The following VAT1L variants were observed in gnomAD, a reference collection of about 807,000 sequenced individuals.
The protein encoded by VAT1L is putative NADPH-dependent quinone oxidoreductase VAT1L.
VAT1L carries 34 observed loss-of-function variants against 44.1 expected under a neutral mutation model. The ratio of observed to expected loss-of-function variants is 0.77; its 90% confidence interval spans 0.59 to 1.03. VAT1L has a LOEUF of 1.03. VAT1L is among the 50% of genes least tolerant of loss of function. VAT1L has a pLI of 0.00. For synonymous variants in VAT1L, 253 were observed against 202.2 expected (o/e 1.25, Z -2.13); for missense variants, 615 against 538.8 (o/e 1.14, Z -1.40).
chr16:77,943,813 C>A (rs1348047000), intron 7 of VAT1L, among the ~76,000 whole-genome samples: 1 of 152,216 alleles, frequency 6.6e-6, no homozygotes, highest in Non-Finnish European at 1.5e-5. Flanking sequence ...AGGGCTCTCA[C>A]ATAGCATGTG....
At chr16:77,799,678 C>T (rs1007992272) in intron 1 of VAT1L, among the ~76,000 whole-genome samples, 1 of 152,032 alleles carries the variant, frequency 6.6e-6, no homozygotes, top group Non-Finnish European at 1.5e-5. Flanking sequence ...TGAGTGGATG[C>T]GAGACTCTTC....
intron 4 of VAT1L, 43 bp downstream of exon 4, chr16:77,862,933 T>C (rs1597072486): frequency 4.4e-6 from 7 of 1,603,466 alleles, no homozygotes; most frequent in Middle Eastern, 1.7e-4. Context: ...TGGCCCTTGC[T>C]CTGCTCTCAA....
chr16:77,911,685 A>C (rs545664471), intron 7 of VAT1L, among the ~76,000 whole-genome samples: 50 of 152,266 alleles, frequency 3.3e-4, no homozygotes, highest in Non-Finnish European at 6.5e-4. Flanking sequence ...GAGGTGGGGA[A>C]GGAGCTTGCA....
At chr16:77,838,842 C>T (rs944554532) in intron 3 of VAT1L, among the ~76,000 whole-genome samples, 2 of 151,698 alleles carry the variant, frequency 1.3e-5, no homozygotes, top group African/African-American at 4.9e-5. Context: ...TCTCCTTCCT[C>T]CCTTCCTCCT....
rs1195422816 is a variant in VAT1L at position 77,788,646 on chromosome 16, G to A, written c.-37G>A. ...CTCCCCCAGCGCCGCAGCCACCGCA[G>A]CCACCGCAGCCCGTGCGCCCCGCGC... On this transcript the variant is annotated 5_prime_UTR_variant, in exon 1 of 9. Transcript: ENST00000302536. The A allele has an allele frequency of 3.4e-5, 53 of 1,543,822 alleles. No homozygotes were observed. Among genetic ancestry groups the A allele is most frequent in the Non-Finnish European group, 3.9e-5 (45 of 1,144,456 alleles).
intron 7 of VAT1L, among the ~76,000 whole-genome samples, chr16:77,887,882 A>AAATACAGTCT (rs2017225266): frequency 6.6e-6 from 1 of 152,088 alleles, no homozygotes; most frequent in Non-Finnish European, 1.5e-5. Flanking sequence ...GCTATACCTG[A>AAATACAGTCT]AATACAGTCT....
At chr16:77,858,901 C>T (rs183811786) in intron 3 of VAT1L, among the ~76,000 whole-genome samples, 329 of 151,898 alleles carry the variant, frequency 2.2e-3, no homozygotes, top group Non-Finnish European at 3.9e-3. Flanking sequence ...TTTGGGAGGC[C>T]GAGGCGGGCG....
rs536316409 is a variant in VAT1L at position 77,816,851 on chromosome 16, G to C, written c.234-70G>C. ...AAGGAGGAAAAGAAAAGAAAGAAAA[G>C]AAAACCAGGTCGGTGCTTTCTTTTG... On this transcript the variant is annotated intron_variant, in intron 1 of 8. Coordinates refer to ENST00000302536, the MANE Select transcript of VAT1L (RefSeq NM_020927.3). The C allele has an allele frequency of 6.7e-5, 99 of 1,483,380 alleles. 1 individual carries two copies. In the South Asian group the frequency reaches 1.3e-3, roughly 19 times the overall value. 91.9% of individuals were successfully genotyped at this position (1,483,380 alleles called of 1,614,324 possible).
chr16:77,888,118 C>T (rs1308193456), intron 7 of VAT1L, among the ~76,000 whole-genome samples: 8 of 152,180 alleles, frequency 5.3e-5, no homozygotes, highest in Non-Finnish European at 1.0e-4. Flanking sequence ...TCAGTATGAC[C>T]TGTACAGAGA....
intron 7 of VAT1L, among the ~76,000 whole-genome samples, chr16:77,930,905 TC>T (rs1345192640): frequency 6.6e-6 from 1 of 152,186 alleles, no homozygotes; most frequent in Non-Finnish European, 1.5e-5. Flanking sequence ...GACACAACAT[TC>T]AACATAATTC....
chr16:77,917,936 T>C (rs2142491262), intron 7 of VAT1L, among the ~76,000 whole-genome samples: 1 of 152,310 alleles, frequency 6.6e-6, no homozygotes, highest in Non-Finnish European at 1.5e-5. Flanking sequence ...TATGCAAGAC[T>C]CTCAAGGTCT....
chr16:77,970,272 T>C (rs920467138), intron 7 of VAT1L, among the ~76,000 whole-genome samples: 2 of 152,130 alleles, frequency 1.3e-5, no homozygotes, highest in African/African-American at 4.8e-5. Context: ...TGCCAGGTTG[T>C]CCAAAGACTG....
rs34096024 is a variant in VAT1L at position 77,862,623 on chromosome 16, TAAAAAAAAAAAAAA to T, written c.580-114_580-101del. The T allele has an allele frequency of 4.5e-5, 18 of 396,594 alleles. No homozygotes were observed. In the African/African-American group the frequency reaches 4.7e-4, roughly 10 times the overall value. 24.6% of individuals were successfully genotyped at this position (396,594 alleles called of 1,614,324 possible). ...GAGTGACAGAGTGAGACTCCATCTCTAAAAAAAAAAAAAAAAAAAAAAAAGTCAATAGTGCCGAT... is the reference window on the plus strand; with the variant it reads ...GAGTGACAGAGTGAGACTCCATCTCTAAAAAAAAAAGTCAATAGTGCCGAT... On this transcript the variant is annotated intron_variant, in intron 3 of 8. Coordinates refer to ENST00000302536, the MANE Select transcript of VAT1L (RefSeq NM_020927.3).
chr16:77,930,760 G>A (rs2017722711), intron 7 of VAT1L, among the ~76,000 whole-genome samples: 1 of 152,104 alleles, frequency 6.6e-6, no homozygotes, highest in African/African-American at 2.4e-5. Context: ...ATGCAGAGTT[G>A]TTCAAGGGGG....
chr16:77,954,815 C>T (rs1278435289), intron 7 of VAT1L, among the ~76,000 whole-genome samples: 3 of 152,178 alleles, frequency 2.0e-5, no homozygotes, highest in Non-Finnish European at 4.4e-5. Flanking sequence ...GTTCCAGAAT[C>T]ACCAGGAGTA....
chr16:77,903,394 T>G (rs2017405167), intron 7 of VAT1L, among the ~76,000 whole-genome samples: 1 of 152,218 alleles, frequency 6.6e-6, no homozygotes, highest in Non-Finnish European at 1.5e-5. Flanking sequence ...AACAGGTAGT[T>G]AGTACCTCAT....
intron 7 of VAT1L, among the ~76,000 whole-genome samples, chr16:77,955,695 G>A (rs1330990549): frequency 4.0e-5 from 6 of 149,440 alleles, no homozygotes; most frequent in East Asian, 2.0e-4. Context: ...ACTACACTCC[G>A]GCCTGGGTGA....
chr16:77,847,163 C>A (rs1481465645), intron 3 of VAT1L, among the ~76,000 whole-genome samples: 1 of 150,794 alleles, frequency 6.6e-6, no homozygotes, highest in Non-Finnish European at 1.5e-5. Flanking sequence ...TTTTGCTGCT[C>A]TTGGAGAAGT....
intron 1 of VAT1L, among the ~76,000 whole-genome samples, chr16:77,790,380 G>A (rs564840250): frequency 1.3e-5 from 2 of 152,042 alleles, no homozygotes; most frequent in African/African-American, 2.4e-5. Flanking sequence ...CTGCCCTTTC[G>A]CAGCTAAATC....
Sources: allele counts gnomAD v4.1 joint callset (sites outside exome capture counted in the v4.1 genomes callset), GRCh38; gene constraint gnomAD v4.1.1; transcripts MANE v1.5; gene names NCBI Gene and HGNC (gene_info 2026-07-23, HGNC 2026-07-21).